The following PRRX2 variants were observed in gnomAD, a reference collection of about 807,000 sequenced individuals.
PRRX2 encodes paired mesoderm homeobox protein 2.
A neutral mutation model predicts 18.0 loss-of-function variants in PRRX2; 11 were observed. The ratio of observed to expected loss-of-function variants is 0.61; its 90% confidence interval spans 0.39 to 1.01. The LOEUF is 1.01. PRRX2 is among the 50% of genes least tolerant of loss of function. PRRX2 has a pLI of 0.01. For synonymous variants in PRRX2, 177 were observed against 154.8 expected (o/e 1.14, Z -1.06); for missense variants, 387 against 351.0 (o/e 1.10, Z -0.82).
intron 1 of PRRX2, among the ~76,000 whole-genome samples, chr9:129,705,316 G>A (rs1435678413): frequency 6.6e-6 from 1 of 152,186 alleles, no homozygotes; most frequent in African/African-American, 2.4e-5. Context: ...CTAGGGCCAC[G>A]CTGGGGAGCC....
intron 1 of PRRX2, among the ~76,000 whole-genome samples, chr9:129,714,972 G>T (rs1254220450): frequency 2.0e-5 from 3 of 152,110 alleles, no homozygotes; most frequent in African/African-American, 7.2e-5. Context: ...TCTTGTTTCG[G>T]TTTAAAGTTT....
intron 1 of PRRX2, among the ~76,000 whole-genome samples, chr9:129,690,039 C>T (rs1218758486): frequency 6.6e-6 from 1 of 152,058 alleles, no homozygotes; most frequent in Non-Finnish European, 1.5e-5. Flanking sequence ...GCGTGAGCCA[C>T]CGCGCCTGGC....
At chr9:129,717,695 C>CA (rs568330077) in intron 1 of PRRX2, among the ~76,000 whole-genome samples, 9,732 of 82,200 alleles carry the variant, frequency 0.12, 645 homozygotes, top group Middle Eastern at 0.2. Flanking sequence ...GACTCCGCCT[C>CA]AAAAAAAAAA....
chr9:129,698,876 G>C (rs754029576), intron 1 of PRRX2, among the ~76,000 whole-genome samples: 3 of 152,188 alleles, frequency 2.0e-5, no homozygotes, highest in Non-Finnish European at 4.4e-5. Context: ...AAATCTTCCT[G>C]GTGTCTGGAG....
intron 1 of PRRX2, among the ~76,000 whole-genome samples, chr9:129,718,276 C>G (rs1832740503): frequency 6.6e-6 from 1 of 152,208 alleles, no homozygotes; most frequent in Non-Finnish European, 1.5e-5. Flanking sequence ...TTGGAGAACT[C>G]TTGGGGATCC....
At chr9:129,698,769 C>T (rs999187338) in intron 1 of PRRX2, among the ~76,000 whole-genome samples, 1 of 152,188 alleles carries the variant, frequency 6.6e-6, no homozygotes, top group African/African-American at 2.4e-5. Flanking sequence ...CAGAGAGGAG[C>T]GGTCACAGGC....
At chr9:129,713,473 C>T (rs984478739) in intron 1 of PRRX2, among the ~76,000 whole-genome samples, 32 of 152,172 alleles carry the variant, frequency 2.1e-4, no homozygotes, top group Admixed American at 6.5e-5. Flanking sequence ...TGACCCCGCC[C>T]ACCCATGGGA....
In PRRX2 at chr9:129,721,069, A is replaced by G. The variant is rs114162764; in HGVS notation, c.626+295A>G. Among the ~76,000 whole-genome samples the G allele has an allele frequency of 3.8e-3, 574 of 152,360 alleles. 2 individuals carry two copies. Among genetic ancestry groups the G allele is most frequent in the African/African-American group, 0.013 (526 of 41,576 alleles). On this transcript the variant is annotated intron_variant, in intron 3 of 3. Transcript: ENST00000372469. ...TGCGTATGCAAAGGAGCGTGCAAGC[A>G]TGCGTGTCCACAGGGGTGTGAGTGT... is the stretch of plus-strand genomic sequence containing the variant.
chr9:129,704,184 G>A, intron 1 of PRRX2, among the ~76,000 whole-genome samples: 1 of 152,214 alleles, frequency 6.6e-6, no homozygotes, highest in East Asian at 1.9e-4. Flanking sequence ...GGGGGTTCAT[G>A]ATTAAAGTGG....
intron 1 of PRRX2, among the ~76,000 whole-genome samples, chr9:129,689,846 A>G (rs10988473): frequency 0.092 from 11,267 of 122,494 alleles, 24 homozygotes; most frequent in African/African-American, 0.29. Context: ...TCTGTCTCCC[A>G]GGTTCAAGCG....
rs1832102649 is a variant in PRRX2, at chr9:129,671,684, C to T, written c.259+5558C>T. 6.6e-6 allele frequency among the ~76,000 whole-genome samples: 1 copy of T among 152,192 alleles called. No individual in the cohort carries two copies. Among genetic ancestry groups the T allele is most frequent in the Admixed American group, 6.5e-5 (1 of 15,276 alleles). The stretch of plus-strand genomic sequence containing the variant: ...GGTTCTGGGTACCATGCCTAGTCCA[C>T]AGTAAAGTGTCTCCACTGCAGCTCC... On this transcript the variant is annotated intron_variant, in intron 1 of 3. Coordinates refer to ENST00000372469, the MANE Select transcript of PRRX2 (RefSeq NM_016307.4). This position sits in a 1 kb window ranked among gnomAD's most constrained non-coding sequence, Gnocchi z 4.0.
intron 1 of PRRX2, among the ~76,000 whole-genome samples, chr9:129,669,758 A>G (rs1832077239): frequency 6.6e-6 from 1 of 152,156 alleles, no homozygotes; most frequent in Admixed American, 6.5e-5. Context: ...GGGGGTCCCC[A>G]GGGCTCAGCT....
At chr9:129,666,156 G>GGGGGGC in intron 1 of PRRX2, 30 bp downstream of exon 1, 3 of 923,908 alleles carry the variant, frequency 3.2e-6, no homozygotes, top group Non-Finnish European at 3.9e-6. Flanking sequence ...GACGGGGGTG[G>GGGGGGC]CGGGGCCGGG....
At chr9:129,688,802 G>T (rs1316931840) in intron 1 of PRRX2, among the ~76,000 whole-genome samples, 2 of 152,190 alleles carry the variant, frequency 1.3e-5, no homozygotes, top group Non-Finnish European at 2.9e-5. Flanking sequence ...GTTGGGTCTT[G>T]TAGGATGAGT....
Position 129,719,195 on chromosome 9 carries a change from G to A in PRRX2, c.260-36G>A, listed in dbSNP as rs377627645. 3.3e-6 allele frequency: 5 copies of A among 1,508,582 alleles called. No individual in the cohort carries two copies. In the African/African-American group the frequency reaches 5.6e-5, roughly 17 times the overall value. 93.4% of individuals were successfully genotyped at this position (1,508,582 alleles called of 1,614,324 possible). ...TGAACTGTGACTGTAGCCACTGGCC[G>A]TCCTGCTGACCATCCCGCCCCCCCA... On this transcript the variant is annotated intron_variant, in intron 1 of 3. Transcript: ENST00000372469.
chr9:129,665,975 G>A lies in PRRX2; in HGVS notation c.108G>A (p.Lys36=). The change falls in exon 1 of 4, where the codon AAG becomes AAA. Residue 36 remains lysine (K), a synonymous_variant. Coordinates refer to ENST00000372469, the MANE Select transcript of PRRX2 (RefSeq NM_016307.4). The surrounding 1 kb of genome is among the most constrained non-coding windows in gnomAD (Gnocchi z 5.3). ...CCGGCGACTGCGCCCAGGCGCGCAA[G>A]AACTTCTCGGTGAGCCACCTCCTGG... ...LGPGDCAQAR[K]NFSVSHLLDL... is the part of the protein sequence containing the mutation. 6 of 1,141,698 alleles carry A rather than the reference G, an allele frequency of 5.3e-6. No homozygotes were observed. Among genetic ancestry groups the A allele is most frequent in the Non-Finnish European group, 6.5e-6 (6 of 924,030 alleles). 70.7% of individuals were successfully genotyped at this position (1,141,698 alleles called of 1,614,324 possible).
intron 1 of PRRX2, among the ~76,000 whole-genome samples, chr9:129,686,533 G>C (rs1399005620): frequency 2.0e-5 from 3 of 152,056 alleles, no homozygotes; most frequent in African/African-American, 7.2e-5. Flanking sequence ...GAGTCTTACT[G>C]TGTTGCCCAG....
chr9:129,694,581 G>A (rs534392502), intron 1 of PRRX2, among the ~76,000 whole-genome samples: 10 of 152,344 alleles, frequency 6.6e-5, no homozygotes, highest in South Asian at 4.1e-4. Flanking sequence ...GAGGCAGCGC[G>A]GTTCAGGGGT....
chr9:129,665,907 G>A lies in PRRX2; in HGVS notation c.40G>A (p.Ala14Thr). 1 of 1,111,090 alleles carries A rather than the reference G, an allele frequency of 9.0e-7. No homozygotes were observed. Among genetic ancestry groups the A allele is most frequent in the African/African-American group, 1.7e-5 (1 of 58,966 alleles). The allele number at this position is 1,111,090 out of a possible 1,614,324, so 68.8% of individuals were successfully genotyped here. A position where few individuals can be genotyped will look rare whatever the true frequency, so the allele number is the denominator to read the frequency against. ...AAAAFALDKP[A>T]LGPGPPPPPP... ...CGCCGCCTTCGCCCTGGACAAGCCG[G>A]CGCTGGGCCCGGGGCCGCCGCCGCC... Residue 14 changes from alanine to threonine, a missense_variant, in exon 1 of 4, where the codon GCG (alanine) becomes ACG (threonine). By Grantham distance (58) the Ala-to-Thr change is moderately conservative. Coordinates refer to ENST00000372469, the MANE Select transcript of PRRX2 (RefSeq NM_016307.4). This position sits in a 1 kb window ranked among gnomAD's most constrained non-coding sequence, Gnocchi z 5.3.
Sources: gnomAD v4.1 joint callset for allele counts (sites outside exome capture counted in the v4.1 genomes callset) on GRCh38, gnomAD v4.1.1 for gene constraint, Gnocchi (gnomAD v3.1) non-coding constraint, MANE v1.5 for transcripts, NCBI Gene and HGNC (gene_info 2026-07-23, HGNC 2026-07-21) for gene names.